Variants in ATP6V1C2 observed in about 807,000 individuals in gnomAD.
The protein encoded by ATP6V1C2 is ATPase H+ transporting V1 subunit C2, also known as V-type proton ATPase subunit C 2.
In ATP6V1C2, 45 loss-of-function variants were observed where a neutral mutation model predicts 56.8. That is an observed-to-expected ratio of 0.79 (90% confidence interval 0.62 to 1.02). The LOEUF (loss-of-function observed/expected upper bound fraction) is 1.02. Ranked by LOEUF, ATP6V1C2 falls within the 50% of genes least tolerant of loss-of-function variation. ATP6V1C2 has a pLI of 0.00. For missense variants in ATP6V1C2, 463 were observed against 519.7 expected (o/e 0.89, Z 1.06); for synonymous variants, 220 against 201.3 (o/e 1.09, Z -0.79).
chr2:10,776,266 C>CGTGTGTGT (rs60750436), intron 10 of ATP6V1C2, among the ~76,000 whole-genome samples: 1 of 151,026 alleles, frequency 6.6e-6, no homozygotes, highest in Non-Finnish European at 1.5e-5. Flanking sequence ...CGCTCACACA[C>CGTGTGTGT]GTGTGTGTGT....
rs140277427 is a variant in ATP6V1C2 at position 10,730,047 on chromosome 2, A to G, written c.197+3478A>G. Among the ~76,000 whole-genome samples the G allele has an allele frequency of 3.0e-3, 459 of 152,296 alleles. 1 individual carries two copies. The highest frequency in any genetic ancestry group is 5.1e-3 in the Non-Finnish European group (348 of 68,028). ...GGACTTGCTCTTTTCTTCTTAGTGG[A>G]ATGGTGATATGGCTGCTACTGCCTT... On this transcript the variant is annotated intron_variant, in intron 3 of 13. Transcript: ENST00000272238.
intron 6 of ATP6V1C2, 71 bp downstream of exon 6, chr2:10,768,881 T>G: frequency 4.0e-6 from 5 of 1,251,384 alleles, no homozygotes; most frequent in Non-Finnish European, 4.7e-6. Flanking sequence ...GCCTGTCCTC[T>G]CACTGGGCCA....
intron 8 of ATP6V1C2, 22 bp from the exon 9 acceptor site, chr2:10,774,766 A>T (rs1395769385): frequency 6.2e-7 from 1 of 1,608,452 alleles, no homozygotes; most frequent in Non-Finnish European, 8.5e-7. Context: ...GAGTCCAGCC[A>T]ACAGATGCTT....
chr2:10,748,017 G>A (rs1409336437), intron 3 of ATP6V1C2, among the ~76,000 whole-genome samples: 1 of 151,960 alleles, frequency 6.6e-6, no homozygotes, highest in Admixed American at 6.6e-5. Context: ...AAGAGTTTAG[G>A]GTTTAGAGTA....
Position 10,775,082 on chromosome 2 carries a change from G to A in ATP6V1C2, c.825+11G>A, listed in dbSNP as rs1275022332. On this transcript the variant is annotated intron_variant, in intron 10 of 13. Transcript: ENST00000272238. ...AAGAAGCAACAGTATGTGAGTATGTGATTGAGCAGCTCCTCCCGCCCCTAC... is the reference window on the plus strand; with the variant it reads ...AAGAAGCAACAGTATGTGAGTATGTAATTGAGCAGCTCCTCCCGCCCCTAC... 2 of 1,607,738 alleles carry A rather than the reference G, an allele frequency of 1.2e-6. No homozygotes were observed. The highest frequency in any genetic ancestry group is 8.5e-7 in the Non-Finnish European group (1 of 1,174,502).
chr2:10,772,027 T>G (rs2171773), intron 7 of ATP6V1C2, 90 bp downstream of exon 7: 490,056 of 1,115,234 alleles, frequency 0.44, 110,163 homozygotes, highest in Non-Finnish European at 0.47. Flanking sequence ...TGGACGAGGA[T>G]GCTCCCTGCC....
At chr2:10,775,975 C>T (rs893959982) in intron 10 of ATP6V1C2, among the ~76,000 whole-genome samples, 2 of 152,112 alleles carry the variant, frequency 1.3e-5, no homozygotes, top group Non-Finnish European at 2.9e-5. Flanking sequence ...TGGGGAGGAG[C>T]GCCGTGGCCG....
At position 10,779,589 on chromosome 2, in the gene ATP6V1C2, G is replaced by A. The variant is rs547473592; in HGVS notation, c.1061+920G>A. On this transcript the variant is annotated intron_variant, in intron 12 of 13. Coordinates refer to ENST00000272238, the MANE Select transcript of ATP6V1C2 (RefSeq NM_001039362.2). Reference sequence around the variant, plus strand: ...TAGTACTGGCTACTTGGGAGGCTGAGGTGGGAGGATCACTTGAGCCTCGGA... The same window carrying A: ...TAGTACTGGCTACTTGGGAGGCTGAAGTGGGAGGATCACTTGAGCCTCGGA... 3.3e-4 allele frequency among the ~76,000 whole-genome samples: 50 copies of A among 150,722 alleles called. 1 individual carries two copies. In the South Asian group the frequency reaches 0.01, roughly 31 times the overall value.
At chr2:10,753,869 CA>C in intron 3 of ATP6V1C2, 111 bp from the exon 4 acceptor site, 6 of 980,992 alleles carry the variant, frequency 6.1e-6, no homozygotes, top group Non-Finnish European at 9.4e-6. Flanking sequence ...TACATCTTGC[CA>C]AATTATTCCC....
intron 11 of ATP6V1C2, 86 bp from the exon 12 acceptor site, chr2:10,778,486 G>T: frequency 8.0e-7 from 1 of 1,243,760 alleles, no homozygotes; most frequent in Non-Finnish European, 1.2e-6. Context: ...AGCTCAGGGC[G>T]TGCTCTGTCA....
At chr2:10,757,256 G>A (rs1038420552) in intron 4 of ATP6V1C2, among the ~76,000 whole-genome samples, 6 of 151,978 alleles carry the variant, frequency 3.9e-5, no homozygotes, top group South Asian at 2.1e-4. Context: ...CAGGTGATCC[G>A]CCAGCCTCGG....
chr2:10,733,876 T>G (rs1297510433), intron 3 of ATP6V1C2, among the ~76,000 whole-genome samples: 9 of 152,144 alleles, frequency 5.9e-5, no homozygotes, highest in Non-Finnish European at 1.3e-4. Context: ...GCTGCTGGCT[T>G]CTTCTTTACC....
At chr2:10,757,718 G>A (rs1438804142) in intron 4 of ATP6V1C2, among the ~76,000 whole-genome samples, 1 of 152,230 alleles carries the variant, frequency 6.6e-6, no homozygotes, top group Non-Finnish European at 1.5e-5. Flanking sequence ...ACCTTGTGGA[G>A]TTCAAGGTGA....
At chr2:10,746,254 C>T (rs1662907120) in intron 3 of ATP6V1C2, among the ~76,000 whole-genome samples, 1 of 152,162 alleles carries the variant, frequency 6.6e-6, no homozygotes, top group Non-Finnish European at 1.5e-5. Flanking sequence ...CCCACCTTGG[C>T]CTCCCAACAT....
At chr2:10,731,488 C>G (rs933450195) in intron 3 of ATP6V1C2, among the ~76,000 whole-genome samples, 3 of 152,186 alleles carry the variant, frequency 2.0e-5, no homozygotes, top group Non-Finnish European at 4.4e-5. Context: ...AACTTATGGC[C>G]TAGCTGAGAA....
At chr2:10,750,087 T>C (rs1168707368) in intron 3 of ATP6V1C2, among the ~76,000 whole-genome samples, 1 of 152,248 alleles carries the variant, frequency 6.6e-6, no homozygotes. Flanking sequence ...TCGTTAATGA[T>C]CACAGCTAAG....
At chr2:10,750,279 G>A (rs1283209282) in intron 3 of ATP6V1C2, among the ~76,000 whole-genome samples, 2 of 152,170 alleles carry the variant, frequency 1.3e-5, no homozygotes, top group Non-Finnish European at 2.9e-5. Flanking sequence ...CACTTTGGGA[G>A]GCCGAGGCAG....
At chr2:10,748,806 T>C (rs951932528) in intron 3 of ATP6V1C2, among the ~76,000 whole-genome samples, 23 of 152,050 alleles carry the variant, frequency 1.5e-4, no homozygotes, top group African/African-American at 5.6e-4. Flanking sequence ...AAAATGGGAA[T>C]GTCACTTAGC....
At chr2:10,783,019 A>G (rs1185502197) in intron 13 of ATP6V1C2, among the ~76,000 whole-genome samples, 155 bp from the exon 14 acceptor site, 2 of 152,126 alleles carry the variant, frequency 1.3e-5, no homozygotes, top group Non-Finnish European at 2.9e-5. Flanking sequence ...CATGTCATAC[A>G]CATTAAAGCA....
Sources: allele counts gnomAD v4.1 joint callset (sites outside exome capture counted in the v4.1 genomes callset), GRCh38; gene constraint gnomAD v4.1.1; transcripts MANE v1.5; gene names NCBI Gene and HGNC (gene_info 2026-07-23, HGNC 2026-07-21).